Variants in EXTL3 observed in about 807,000 individuals in gnomAD.
EXTL3 encodes exostosin like glycosyltransferase 3, also known as exostosin-like 3.
A neutral mutation model predicts 69.3 loss-of-function variants in EXTL3; 27 were observed. That is an observed-to-expected ratio of 0.39 (90% confidence interval 0.29 to 0.54). EXTL3 has a LOEUF of 0.54. EXTL3 is among the 20% of genes least tolerant of loss of function. EXTL3 has a pLI of 0.69. For missense variants in EXTL3, 1,003 were observed against 1,231.8 expected (o/e 0.81, Z 2.78); for synonymous variants, 511 against 499.4 (o/e 1.02, Z -0.31).
At chr8:28,645,857 TATTG>T (rs1237659197) in intron 1 of EXTL3, among the ~76,000 whole-genome samples, 1 of 150,902 alleles carries the variant, frequency 6.6e-6, no homozygotes, top group African/African-American at 2.4e-5. Context: ...GTTATTCTCT[TATTG>T]ATTGATTGAT....
At chr8:28,615,190 C>G (rs1806317069) in intron 2 of EXTL3, among the ~76,000 whole-genome samples, 1 of 152,148 alleles carries the variant, frequency 6.6e-6, no homozygotes, top group Non-Finnish European at 1.5e-5. Context: ...TGTCAGTGCT[C>G]CATGTGTGCT....
At chr8:28,718,830 C>T (rs1432847495) in intron 3 of EXTL3, among the ~76,000 whole-genome samples, 2 of 152,178 alleles carry the variant, frequency 1.3e-5, no homozygotes, top group Non-Finnish European at 2.9e-5. Context: ...CCAATTGAAC[C>T]TTCCAGGGTG....
chr8:28,650,144 C>T (rs955420843), intron 1 of EXTL3, among the ~76,000 whole-genome samples: 1 of 145,606 alleles, frequency 6.9e-6, no homozygotes, highest in Admixed American at 7.0e-5. Context: ...TTCAGTGAGC[C>T]GAGATTGCAC....
chr8:28,694,537 T>C (rs1168477087), intron 1 of EXTL3, among the ~76,000 whole-genome samples: 3 of 152,250 alleles, frequency 2.0e-5, no homozygotes, highest in Admixed American at 6.5e-5. Context: ...GGAGTTAGAC[T>C]GTCAGGGTCC....
intron 1 of EXTL3, among the ~76,000 whole-genome samples, chr8:28,680,997 C>A (rs1214197268): frequency 1.3e-5 from 2 of 151,986 alleles, no homozygotes; most frequent in African/African-American, 4.8e-5. Context: ...CCTGCCTCAG[C>A]CTCCTGAGTA....
At chr8:28,661,633 A>C (rs1807116810) in intron 1 of EXTL3, among the ~76,000 whole-genome samples, 1 of 151,880 alleles carries the variant, frequency 6.6e-6, no homozygotes, top group Non-Finnish European at 1.5e-5. Context: ...TAATCCCAGC[A>C]CTTTGGGAGG....
rs1801978461 is a variant in EXTL3 at position 28,750,403 on chromosome 8, A to G, written c.2551-254A>G. ...GAGTAGACTTACTGAGACAGCTGAC[A>G]CTACACACGTTAAGGCTTTTGGCAT... On this transcript the variant is annotated intron_variant, in intron 6 of 6. Transcript: ENST00000220562. The surrounding 1 kb of genome is among the most constrained non-coding windows in gnomAD (Gnocchi z 5.2). Among the ~76,000 whole-genome samples the G allele has an allele frequency of 6.6e-6, 1 of 152,192 alleles. No individual in the cohort carries two copies. Among genetic ancestry groups the G allele is most frequent in the South Asian group, 2.1e-4 (1 of 4,834 alleles).
chr8:28,716,100 A>T lies in EXTL3; in HGVS notation c.41A>T (p.Asn14Ile). The change falls in exon 3 of 7, where the codon AAC (asparagine) becomes ATC (isoleucine). Residue 14 changes from asparagine (N) to isoleucine (I), a missense_variant. This residue lies in a region of EXTL3 where 742 missense variants were observed against 815.4 expected (regional missense o/e 0.91). Coordinates refer to ENST00000220562, the MANE Select transcript of EXTL3 (RefSeq NM_001440.4). This position sits in a 1 kb window ranked among gnomAD's most constrained non-coding sequence, Gnocchi z 7.1. ...ATGCTGCGGAATGGGGGCGCGGGGA[A>T]CGGAGGTCAGACCTGCATGCTGCGC... The part of the protein sequence containing the change: ...YTMLRNGGAG[N>I]GGQTCMLRWS... 4 of 1,612,444 alleles carry T rather than the reference A, an allele frequency of 2.5e-6. No homozygotes were observed. Among genetic ancestry groups the T allele is most frequent in the Non-Finnish European group, 3.4e-6 (4 of 1,179,992 alleles).
chr8:28,710,866 T>C (rs1211725211), intron 1 of EXTL3, among the ~76,000 whole-genome samples: 1 of 152,250 alleles, frequency 6.6e-6, no homozygotes, highest in East Asian at 1.9e-4. Context: ...GTACTGTCTT[T>C]GTCTGGCTTT....
At chr8:28,734,504 G>A (rs1348794846) in intron 4 of EXTL3, among the ~76,000 whole-genome samples, 2 of 152,160 alleles carry the variant, frequency 1.3e-5, no homozygotes, top group Admixed American at 1.3e-4. Flanking sequence ...CTGAGGTCAG[G>A]AGTTTGAGAC....
intron 1 of EXTL3, among the ~76,000 whole-genome samples, chr8:28,679,546 T>C (rs866105033): frequency 6.6e-6 from 1 of 152,118 alleles, no homozygotes; most frequent in African/African-American, 2.4e-5. Context: ...AAGAGCAGCC[T>C]GGGCAACACA....
intron 3 of EXTL3, among the ~76,000 whole-genome samples, chr8:28,729,423 C>T (rs1322737420): frequency 1.3e-5 from 2 of 150,374 alleles, no homozygotes; most frequent in South Asian, 2.1e-4. Flanking sequence ...GGTGAAACCC[C>T]GTCTCTACTA....
chr8:28,626,830 C>T (rs544384492), intron 1 of EXTL3, among the ~76,000 whole-genome samples: 4 of 152,284 alleles, frequency 2.6e-5, no homozygotes, highest in East Asian at 1.9e-4. Flanking sequence ...ACACCTCAGG[C>T]GTCAGCATGG....
chr8:28,663,804 G>A (rs972400834), intron 1 of EXTL3, among the ~76,000 whole-genome samples: 7 of 152,052 alleles, frequency 4.6e-5, no homozygotes, highest in East Asian at 1.9e-4. Flanking sequence ...ACAAGACAGC[G>A]TTCTCAAACC....
At chr8:28,730,517 GT>G (rs1801514166) in intron 3 of EXTL3, among the ~76,000 whole-genome samples, 1 of 152,144 alleles carries the variant, frequency 6.6e-6, no homozygotes, top group African/African-American at 2.4e-5. Flanking sequence ...AATAAAAATT[GT>G]TTCATTATGT....
At chr8:28,643,564 G>A (rs1197847375) in intron 1 of EXTL3, among the ~76,000 whole-genome samples, 7 of 151,200 alleles carry the variant, frequency 4.6e-5, no homozygotes, top group African/African-American at 9.7e-5. Context: ...ACAGGCGCCC[G>A]CTACCACACC....
chr8:28,737,152 A>C (rs1179440930), intron 4 of EXTL3, among the ~76,000 whole-genome samples: 1 of 152,206 alleles, frequency 6.6e-6, no homozygotes, highest in Non-Finnish European at 1.5e-5. Context: ...ATTGAAATTG[A>C]TATCATCTTT....
At chr8:28,742,990 C>T (rs1801811581) in intron 5 of EXTL3, 96 bp from the exon 6 acceptor site, 3 of 1,389,554 alleles carry the variant, frequency 2.2e-6, no homozygotes, top group East Asian at 2.3e-5. Flanking sequence ...GTTACTGCCA[C>T]ACCCAAACAG....
At chr8:28,638,886 G>A (rs374395093) in intron 1 of EXTL3, among the ~76,000 whole-genome samples, 2 of 151,452 alleles carry the variant, frequency 1.3e-5, no homozygotes, top group East Asian at 1.9e-4. Context: ...CCACCTCAAC[G>A]TCCCAAAATA....
Sources: gnomAD v4.1 joint callset for allele counts (sites outside exome capture counted in the v4.1 genomes callset) on GRCh38, gnomAD v4.1.1 for gene constraint, gnomAD v4.1.1 regional missense constraint, Gnocchi (gnomAD v3.1) non-coding constraint, MANE v1.5 for transcripts, NCBI Gene and HGNC (gene_info 2026-07-23, HGNC 2026-07-21) for gene names.